The following DDI2 variants were observed in gnomAD, a reference collection of about 807,000 sequenced individuals.
The protein encoded by DDI2 is DDI proteasomal shuttling factor 2, also known as protein DDI1 homolog 2.
DDI2 carries 5 observed loss-of-function variants against 48.1 expected under a neutral mutation model. The ratio of observed to expected loss-of-function variants is 0.10; its 90% CI spans 0.05 to 0.22. The LOEUF (loss-of-function observed/expected upper bound fraction) is 0.22, where lower values mean the gene tolerates loss of function less well. Among genes scored for constraint, DDI2 ranks in the 10% least tolerant of loss-of-function variants. The probability of loss-of-function intolerance (pLI) is 1.00; values close to 1 mark genes in which losing one functional copy is unlikely to be tolerated. For synonymous variants in DDI2, 205 were observed against 183.6 expected (o/e 1.12, Z -0.94); for missense variants, 285 against 506.2 (o/e 0.56, Z 4.19).
At chr1:15,628,356 G>A (rs1234964575) in intron 2 of DDI2, among the ~76,000 whole-genome samples, 2 of 152,190 alleles carry the variant, frequency 1.3e-5, no homozygotes, top group African/African-American at 4.8e-5. Context: ...CCCTGCTAAA[G>A]GGTAGAAATG....
intron 3 of DDI2, 87 bp from the exon 4 acceptor site, chr1:15,633,352 A>G (rs1422491363): frequency 4.1e-6 from 6 of 1,467,842 alleles, no homozygotes; most frequent in Non-Finnish European, 5.6e-6. Flanking sequence ...TTACAGATGT[A>G]GTTTGATAAA....
intron 5 of DDI2, among the ~76,000 whole-genome samples, chr1:15,641,596 G>A (rs1345467689): frequency 6.6e-6 from 1 of 152,154 alleles, no homozygotes; most frequent in Non-Finnish European, 1.5e-5. Flanking sequence ...TGGTTTGGAA[G>A]CCAGAACAAT....
At chr1:15,630,865 A>G (rs1419635601) in intron 3 of DDI2, among the ~76,000 whole-genome samples, 1 of 152,122 alleles carries the variant, frequency 6.6e-6, no homozygotes, top group Admixed American at 6.6e-5. Flanking sequence ...TTTCTTTGAG[A>G]CGGAGTCTTG....
chr1:15,656,355 T>C (rs1232709778), intron 8 of DDI2: 1 of 1,293,190 alleles, frequency 7.7e-7, no homozygotes, highest in South Asian at 1.7e-5. Flanking sequence ...GCCCGTGAAT[T>C]CTCTATGTGT....
At chr1:15,658,234 C>G (rs1640300639) in intron 9 of DDI2, among the ~76,000 whole-genome samples, 1 of 152,070 alleles carries the variant, frequency 6.6e-6, no homozygotes, top group South Asian at 2.1e-4. Context: ...ACTGCAACCT[C>G]TCCCTCCTGG....
chr1:15,664,000 G>C lies in DDI2; in HGVS notation c.*4210G>C, dbSNP rs1640416198. On this transcript the variant is annotated 3_prime_UTR_variant, in exon 10 of 10. Transcript: ENST00000480945. ...ATTTATTTTTAGGAATAGATCTATA[G>C]TTGTACATGAATTCCTGTTAGGAAT... is the stretch of plus-strand genomic sequence containing the variant. 1 of 152,128 alleles carries C rather than the reference G, an allele frequency of 6.6e-6. No homozygotes were observed. Among genetic ancestry groups the C allele is most frequent in the African/African-American group, 2.4e-5 (1 of 41,412 alleles). The allele number at this position is 152,128 out of a possible 1,614,324, so 9.4% of individuals were successfully genotyped here. A position where few individuals can be genotyped will look rare whatever the true frequency, so the allele number is the denominator to read the frequency against.
Position 15,617,476 on chromosome 1 carries a change from G to C in DDI2, c.-195G>C, listed in dbSNP as rs1053949964. 2.8e-6 allele frequency: 1 copy of C among 357,964 alleles called. No individual in the cohort carries two copies. The highest frequency in any genetic ancestry group is 4.8e-6 in the Non-Finnish European group (1 of 207,242). 22.2% of individuals were successfully genotyped at this position (357,964 alleles called of 1,614,324 possible). A position where few individuals can be genotyped will look rare whatever the true frequency, so the allele number is the denominator to read the frequency against. On this transcript the variant is annotated 5_prime_UTR_variant, in exon 1 of 10. Transcript: ENST00000480945. ...GGCAGGCAGACGGACTCGCAGGCGT[G>C]TGGCGGCGGCCGTGCTTGCTAGTGA... is the stretch of plus-strand genomic sequence containing the variant.
chr1:15,628,704 T>G (rs1403332412), intron 2 of DDI2, among the ~76,000 whole-genome samples: 1 of 151,742 alleles, frequency 6.6e-6, no homozygotes, highest in African/African-American at 2.4e-5. Flanking sequence ...TTCATTTTTC[T>G]TTTTTAAATA....
intron 1 of DDI2, among the ~76,000 whole-genome samples, chr1:15,623,875 A>T (rs1030458209): frequency 3.9e-5 from 6 of 152,044 alleles, no homozygotes; most frequent in African/African-American, 1.4e-4. Context: ...CCTGGCTAAC[A>T]TGGTGAAACC....
chr1:15,659,700 T>C, intron 9 of DDI2, 137 bp from the exon 10 acceptor site: 1 of 791,034 alleles, frequency 1.3e-6, no homozygotes, highest in Non-Finnish European at 1.8e-6. Context: ...TTTAAAATCA[T>C]TTCTATTTGT....
At chr1:15,630,642 C>A in intron 3 of DDI2, 81 bp downstream of exon 3, 1 of 936,940 alleles carries the variant, frequency 1.1e-6, no homozygotes, top group Non-Finnish European at 1.7e-6. Flanking sequence ...GAGACTCAAG[C>A]GACACTGTGT....
intron 6 of DDI2, 71 bp downstream of exon 6, chr1:15,643,721 T>G: frequency 6.4e-7 from 1 of 1,560,738 alleles, no homozygotes; most frequent in Non-Finnish European, 8.7e-7. Flanking sequence ...GATTTTCAAG[T>G]TTTTAGAGGG....
In DDI2 at chr1:15,660,499, G is replaced by A; in HGVS notation, c.*709G>A. 1 of 1,613,910 alleles carries A rather than the reference G, an allele frequency of 6.2e-7. No individual in the cohort carries two copies. The highest frequency in any genetic ancestry group is 8.5e-7 in the Non-Finnish European group (1 of 1,179,980). ...GCAACAGAATCAACACAAAATTGTTGATTTGGAAGCTACGATGAAAGGAAA... is the reference window on the plus strand; with the variant it reads ...GCAACAGAATCAACACAAAATTGTTAATTTGGAAGCTACGATGAAAGGAAA... On this transcript the variant is annotated 3_prime_UTR_variant, in exon 10 of 10. Coordinates refer to ENST00000480945, the MANE Select transcript of DDI2 (RefSeq NM_032341.5).
At position 15,663,300 on chromosome 1, in the gene DDI2, C is replaced by T. The variant is rs1275598606; in HGVS notation, c.*3510C>T. On this transcript the variant is annotated 3_prime_UTR_variant, in exon 10 of 10. Transcript: ENST00000480945. The stretch of plus-strand genomic sequence containing the variant: ...ATTGAGCACAATCAAAATGGAGGCT[C>T]ATATCTCAGGAGTTTTTGAAATTTT... The T allele has an allele frequency of 6.6e-6, 1 of 152,184 alleles. No homozygotes were observed. The highest frequency in any genetic ancestry group is 1.5e-5 in the Non-Finnish European group (1 of 68,040). The allele number at this position is 152,184 out of a possible 1,614,324, so 9.4% of individuals were successfully genotyped here. A position where few individuals can be genotyped will look rare whatever the true frequency, so the allele number is the denominator to read the frequency against.
At chr1:15,636,836 T>C (rs950820150) in intron 4 of DDI2, among the ~76,000 whole-genome samples, 1 of 152,252 alleles carries the variant, frequency 6.6e-6, no homozygotes, top group African/African-American at 2.4e-5. Context: ...TTGCTCATGT[T>C]CAGCTCCGCC....
At chr1:15,624,798 A>C (rs1458163035) in intron 1 of DDI2, among the ~76,000 whole-genome samples, 1 of 152,132 alleles carries the variant, frequency 6.6e-6, no homozygotes. Context: ...TTTTTTCACA[A>C]AAGAAAATTT....
chr1:15,631,260 A>G (rs745548919), intron 3 of DDI2, among the ~76,000 whole-genome samples: 2 of 152,218 alleles, frequency 1.3e-5, no homozygotes, highest in Non-Finnish European at 2.9e-5. Flanking sequence ...GAATCACCAT[A>G]ACCTCAGTCC....
intron 5 of DDI2, among the ~76,000 whole-genome samples, chr1:15,639,246 A>G (rs1170753712): frequency 6.6e-6 from 1 of 152,034 alleles, no homozygotes. Context: ...TAGTAAGACT[A>G]CACCATGCAG....
chr1:15,656,639 G>A lies in DDI2; in HGVS notation c.*6G>A. The A allele has an allele frequency of 6.2e-7, 1 of 1,614,196 alleles. No homozygotes were observed. The highest frequency in any genetic ancestry group is 8.5e-7 in the Non-Finnish European group (1 of 1,180,028). ...CAGAGCGTCAGAAGCCATGATGCAT[G>A]TAGTGTGTGTGTACTGCAGCTGGAG... On this transcript the variant is annotated 3_prime_UTR_variant, in exon 9 of 10. Transcript: ENST00000480945.
Sources: gnomAD v4.1 joint callset for allele counts (sites outside exome capture counted in the v4.1 genomes callset) on GRCh38, gnomAD v4.1.1 for gene constraint, MANE v1.5 for transcripts, NCBI Gene and HGNC (gene_info 2026-07-23, HGNC 2026-07-21) for gene names.